The following PACRGL variants were observed in gnomAD, a reference collection of about 807,000 sequenced individuals.
PACRGL encodes the protein PACRG-like protein.
PACRGL carries 38 observed loss-of-function variants against 34.5 expected under a neutral mutation model. The observed-to-expected ratio is 1.10, with a 90% CI of 0.85 to 1.44. The LOEUF is 1.44. PACRGL is among the 40% of genes most tolerant of loss of function. The pLI, the probability that PACRGL is intolerant of heterozygous loss-of-function variation, is 0.00. For synonymous variants in PACRGL, 128 were observed against 100.1 expected (o/e 1.28, Z -1.66); for missense variants, 305 against 281.4 (o/e 1.08, Z -0.60).
upstream of PACRGL, chr4:20,700,371 C>T (rs1490318895): frequency 1.3e-5 from 2 of 152,256 alleles, no homozygotes; most frequent in Non-Finnish European, 2.9e-5. Flanking sequence ...CCTCCGCGAC[C>T]TCTTACCATT....
At chr4:20,751,259 A>G (rs1181278157) in intron 8 of PACRGL, among the ~76,000 whole-genome samples, 1 of 152,228 alleles carries the variant, frequency 6.6e-6, no homozygotes, top group Admixed American at 6.5e-5. Context: ...TTGGGTCTAA[A>G]TAACATGTAA....
rs1470466595 is a variant in PACRGL, at chr4:20,730,466, ATT to A, written c.*3128_*3129del. Among the ~76,000 whole-genome samples, 1 of 152,194 alleles carries A rather than the reference ATT, an allele frequency of 6.6e-6. No individual in the cohort carries two copies. Among genetic ancestry groups the A allele is most frequent in the Non-Finnish European group, 1.5e-5 (1 of 68,042 alleles). ...CAGAGGTGTGTCAAAGCAAATGAGA[ATT>A]TTGGCATTCTATGTAGATCACAGGC... On this transcript the variant is annotated 3_prime_UTR_variant, in exon 9 of 9. Coordinates refer to ENST00000503585, the MANE Select transcript of PACRGL (RefSeq NM_001258345.3).
intron 7 of PACRGL, chr4:20,719,040 C>T: frequency 6.6e-6 from 1 of 151,910 alleles, no homozygotes. Context: ...GATTCACCTT[C>T]TTCCTGGTTT....
intron 3 of PACRGL, among the ~76,000 whole-genome samples, chr4:20,706,581 CTTTT>C (rs879864380): frequency 6.9e-6 from 1 of 145,038 alleles, no homozygotes; most frequent in African/African-American, 2.5e-5. Flanking sequence ...GGAAATGAAT[CTTTT>C]TTTTTTTTTG....
downstream of PACRGL, among the ~76,000 whole-genome samples, chr4:20,755,668 A>T (rs116642993): frequency 5.4e-3 from 826 of 152,264 alleles, 6 homozygotes; most frequent in African/African-American, 0.019. Context: ...GGGGAAGGGG[A>T]TGGGGAATGT....
intron 8 of PACRGL, among the ~76,000 whole-genome samples, chr4:20,750,417 C>T (rs1428266624): frequency 6.6e-6 from 1 of 152,072 alleles, no homozygotes. Context: ...CTACATGTTC[C>T]TAGTTGTATG....
intron 7 of PACRGL, among the ~76,000 whole-genome samples, chr4:20,714,093 T>C (rs1738618831): frequency 6.6e-6 from 1 of 152,098 alleles, no homozygotes; most frequent in Non-Finnish European, 1.5e-5. Flanking sequence ...ATGTTGACAG[T>C]GGGGTGTTAA....
the PACRGL span, among the ~76,000 whole-genome samples, chr4:20,758,237 T>G: frequency 6.6e-6 from 1 of 152,194 alleles, no homozygotes; most frequent in Non-Finnish European, 1.5e-5. Context: ...CCTTGTGTTT[T>G]CTTTCCAATT....
chr4:20,757,983 T>A, the PACRGL span, among the ~76,000 whole-genome samples: 1 of 152,192 alleles, frequency 6.6e-6, no homozygotes, highest in Admixed American at 6.5e-5. Context: ...ATCACAGTTA[T>A]ACTTGAGTTT....
At chr4:20,717,852 TC>T (rs199498673) in intron 7 of PACRGL, among the ~76,000 whole-genome samples, 26,183 of 152,132 alleles carry the variant, frequency 0.17, 2,365 homozygotes, top group Non-Finnish European at 0.21. Context: ...TTAAAGTAGT[TC>T]TTTTCCAATT....
intron 8 of PACRGL, among the ~76,000 whole-genome samples, chr4:20,750,882 C>G (rs911077123): frequency 7.2e-5 from 11 of 151,842 alleles, no homozygotes; most frequent in African/African-American, 2.7e-4. Context: ...AACTTTTAAC[C>G]TTTATTGGGT....
At chr4:20,720,133 A>G (rs1742291695) in intron 7 of PACRGL, among the ~76,000 whole-genome samples, 1 of 152,088 alleles carries the variant, frequency 6.6e-6, no homozygotes, top group Admixed American at 6.6e-5. Context: ...GTCTTTTATC[A>G]GAGACTAGGA....
chr4:20,706,775 C>A (rs912371768), intron 3 of PACRGL, among the ~76,000 whole-genome samples: 4 of 152,032 alleles, frequency 2.6e-5, no homozygotes, highest in Admixed American at 2.6e-4. Context: ...GGGGTTTCAC[C>A]GTGTTAGCCA....
chr4:20,759,656 A>G, the PACRGL span, among the ~76,000 whole-genome samples: 5 of 152,124 alleles, frequency 3.3e-5, no homozygotes, highest in African/African-American at 4.8e-5. Context: ...AAAAAAGAAA[A>G]AAAGAAACTT....
At chr4:20,716,136 AC>A in intron 7 of PACRGL, 1 of 1,498,936 alleles carries the variant, frequency 6.7e-7, no homozygotes, top group Non-Finnish European at 9.0e-7. Flanking sequence ...GGTTCCCAAG[AC>A]CACTCTTAGG....
At chr4:20,749,606 C>G (rs1753210214) in intron 8 of PACRGL, 2 of 1,227,762 alleles carry the variant, frequency 1.6e-6, no homozygotes, top group South Asian at 2.8e-5. Flanking sequence ...ACATTTTCCC[C>G]CTAAAAAGAC....
intron 5 of PACRGL, among the ~76,000 whole-genome samples, chr4:20,710,871 T>G (rs183511766): frequency 6.6e-6 from 1 of 152,128 alleles, no homozygotes; most frequent in Non-Finnish European, 1.5e-5. Context: ...GTAGCCTATT[T>G]TGAAATTCAG....
chr4:20,752,675 G>T (rs1753860323), exon 9 of PACRGL: 1 of 152,306 alleles, frequency 6.6e-6, no homozygotes, highest in African/African-American at 2.4e-5. Context: ...ATGGAGTTTG[G>T]ATTTCTTCTG....
At chr4:20,717,346 C>G (rs1740615717) in intron 7 of PACRGL, among the ~76,000 whole-genome samples, 2 of 152,132 alleles carry the variant, frequency 1.3e-5, no homozygotes, top group South Asian at 4.1e-4. Flanking sequence ...AATTAGACAC[C>G]AGTTGTCAAT....
Sources: allele counts gnomAD v4.1 joint callset (sites outside exome capture counted in the v4.1 genomes callset), GRCh38; gene constraint gnomAD v4.1.1; transcripts MANE v1.5; gene names NCBI Gene and HGNC (gene_info 2026-07-23, HGNC 2026-07-21).